The following DAZAP1 variants were observed in gnomAD, a reference collection of about 807,000 sequenced individuals.
DAZAP1 encodes DAZ-associated protein 1.
DAZAP1 carries 6 observed loss-of-function variants against 60.1 expected under a neutral mutation model. The observed-to-expected ratio is 0.10, with a 90% CI of 0.05 to 0.20. The LOEUF is 0.20. DAZAP1 is among the 10% of genes least tolerant of loss of function. DAZAP1 has a pLI of 1.00. For synonymous variants in DAZAP1, 235 were observed against 215.9 expected (o/e 1.09, Z -0.78); for missense variants, 366 against 560.4 (o/e 0.65, Z 3.50).
intron 1 of DAZAP1, among the ~76,000 whole-genome samples, chr19:1,411,822 G>A (rs1040689730): frequency 5.3e-5 from 8 of 152,260 alleles, no homozygotes; most frequent in African/African-American, 4.8e-5. Flanking sequence ...CACAGAGGGC[G>A]CTCCTGGTCA....
At chr19:1,421,112 C>T in intron 4 of DAZAP1, 36 bp from the exon 5 acceptor site, 1 of 1,599,634 alleles carries the variant, frequency 6.3e-7, no homozygotes, top group Non-Finnish European at 8.6e-7. Flanking sequence ...TTGGAGGGTT[C>T]CCGTGTGAAC....
In DAZAP1 at chr19:1,418,393, A is replaced by G. The variant is rs1569058518; in HGVS notation, c.237+23A>G. The G allele has an allele frequency of 6.2e-7, 1 of 1,607,174 alleles. No homozygotes were observed. On this transcript the variant is annotated intron_variant, in intron 3 of 11. Transcript: ENST00000233078. The surrounding 1 kb of genome is among the most constrained non-coding windows in gnomAD (Gnocchi z 5.7). ...AACGTAAGTGCCCTTCCGGGAGCTC[A>G]CACCCGCTCTCTGTCTCCCCTGTCC...
In DAZAP1 at chr19:1,426,097, G is replaced by A; in HGVS notation, c.546+137G>A. 1 of 704,792 alleles carries A rather than the reference G, an allele frequency of 1.4e-6. No individual in the cohort carries two copies. The highest frequency in any genetic ancestry group is 2.6e-6 in the Non-Finnish European group (1 of 386,062). 43.7% of individuals were successfully genotyped at this position (704,792 alleles called of 1,614,324 possible). ...TGTGAACCTTTGCTGCGTGAGGTGGGCCTGGGTCTGTAGACGTGAGGAGGG... is the reference window on the plus strand; with the variant it reads ...TGTGAACCTTTGCTGCGTGAGGTGGACCTGGGTCTGTAGACGTGAGGAGGG... On this transcript the variant is annotated intron_variant, in intron 7 of 11. Coordinates refer to ENST00000233078, the MANE Select transcript of DAZAP1 (RefSeq NM_018959.4). The surrounding 1 kb of genome is among the most constrained non-coding windows in gnomAD (Gnocchi z 5.4).
At chr19:1,429,058 T>TG in intron 8 of DAZAP1, 63 bp downstream of exon 8, 1 of 1,488,314 alleles carries the variant, frequency 6.7e-7, no homozygotes, top group Non-Finnish European at 8.9e-7. Flanking sequence ...CCGCGCGCCC[T>TG]GGGCTGTGCC....
rs2144962562 is a variant in DAZAP1, at chr19:1,434,624, T to G, written c.1049-113T>G. 1 of 1,158,626 alleles carries G rather than the reference T, an allele frequency of 8.6e-7. No homozygotes were observed. Among genetic ancestry groups the G allele is most frequent in the East Asian group, 2.6e-5 (1 of 38,790 alleles). 71.8% of individuals were successfully genotyped at this position (1,158,626 alleles called of 1,614,324 possible). On this transcript the variant is annotated intron_variant, in intron 11 of 11. Coordinates refer to ENST00000233078, the MANE Select transcript of DAZAP1 (RefSeq NM_018959.4). This position sits in a 1 kb window ranked among gnomAD's most constrained non-coding sequence, Gnocchi z 8.0. ...TCAGAAGGGCCCCACCCGCACCCCG[T>G]GGGACCCGTGGACTCAAGGCAGGCT...
At chr19:1,424,914 G>A (rs1225610777) in intron 6 of DAZAP1, among the ~76,000 whole-genome samples, 1 of 152,200 alleles carries the variant, frequency 6.6e-6, no homozygotes, top group Non-Finnish European at 1.5e-5. Context: ...GGGGAGGCCT[G>A]GAGAGCCCGG....
intron 7 of DAZAP1, chr19:1,427,169 G>A (rs1479793829): frequency 2.0e-5 from 3 of 152,224 alleles, no homozygotes; most frequent in South Asian, 2.1e-4. Context: ...GCATGGGTGC[G>A]CGACAGTACA....
Position 1,422,243 on chromosome 19 carries a change from G to C in DAZAP1, c.415-105G>C, listed in dbSNP as rs150726606. On this transcript the variant is annotated intron_variant, in intron 5 of 11. Coordinates refer to ENST00000233078, the MANE Select transcript of DAZAP1 (RefSeq NM_018959.4). This position sits in a 1 kb window ranked among gnomAD's most constrained non-coding sequence, Gnocchi z 4.5. Reference sequence around the variant, plus strand: ...TGCACCTCCCCCGCTCAGGGAGGGCGCACCCTGTGCGAGAGTTTGGGTTCG... The same window carrying C: ...TGCACCTCCCCCGCTCAGGGAGGGCCCACCCTGTGCGAGAGTTTGGGTTCG... The C allele has an allele frequency of 9.7e-6, 10 of 1,028,988 alleles. No individual in the cohort carries two copies. Among genetic ancestry groups the C allele is most frequent in the Middle Eastern group, 2.9e-4 (1 of 3,436 alleles). 63.7% of individuals were successfully genotyped at this position (1,028,988 alleles called of 1,614,324 possible). A position where few individuals can be genotyped will look rare whatever the true frequency, so the allele number is the denominator to read the frequency against.
At position 1,428,717 on chromosome 19, in the gene DAZAP1, G is replaced by A; in HGVS notation, c.547-125G>A. 2 of 1,156,582 alleles carry A rather than the reference G, an allele frequency of 1.7e-6. No individual in the cohort carries two copies. The highest frequency in any genetic ancestry group is 1.5e-5 in the South Asian group (1 of 66,274). 71.6% of individuals were successfully genotyped at this position (1,156,582 alleles called of 1,614,324 possible). A position where few individuals can be genotyped will look rare whatever the true frequency, so the allele number is the denominator to read the frequency against. ...GCTACTGGCCTAAATAAGGTTTATA[G>A]TTAAGTATTTAGTCTTAAGTTGTAA... On this transcript the variant is annotated intron_variant, in intron 7 of 11. Coordinates refer to ENST00000233078, the MANE Select transcript of DAZAP1 (RefSeq NM_018959.4). The surrounding 1 kb of genome is among the most constrained non-coding windows in gnomAD (Gnocchi z 4.0).
At chr19:1,417,681 CAG>C in intron 2 of DAZAP1, 141 bp downstream of exon 2, 1 of 795,594 alleles carries the variant, frequency 1.3e-6, no homozygotes, top group Non-Finnish European at 2.0e-6. Flanking sequence ...GGGCAGGGGA[CAG>C]AGTAAGTGTG....
In DAZAP1 at chr19:1,433,975, C is replaced by T. The variant is rs2083526348; in HGVS notation, c.1049-762C>T. On this transcript the variant is annotated intron_variant, in intron 11 of 11. Transcript: ENST00000233078. This position sits in a 1 kb window ranked among gnomAD's most constrained non-coding sequence, Gnocchi z 6.1. ...CGGTGCCAAGACATTGGCCACAAGCCTTCAGCGGGCCCAGGATCCCCCAGA... is the reference window on the plus strand; with the variant it reads ...CGGTGCCAAGACATTGGCCACAAGCTTTCAGCGGGCCCAGGATCCCCCAGA... The T allele has an allele frequency of 4.4e-6, 3 of 685,428 alleles. No individual in the cohort carries two copies. Among genetic ancestry groups the T allele is most frequent in the African/African-American group, 1.8e-5 (1 of 55,716 alleles). The allele number at this position is 685,428 out of a possible 1,614,324, so 42.5% of individuals were successfully genotyped here.
intron 1 of DAZAP1, among the ~76,000 whole-genome samples, chr19:1,415,014 C>G (rs2082935526): frequency 6.6e-6 from 1 of 151,930 alleles, no homozygotes; most frequent in South Asian, 2.1e-4. Flanking sequence ...TGGTCTTGAA[C>G]TCCTGGCCTC....
Position 1,428,934 on chromosome 19 carries a change from C to T in DAZAP1, c.639C>T (p.Asn213=), listed in dbSNP as rs770090067. 1.2e-4 allele frequency: 189 copies of T among 1,612,262 alleles called. 1 individual carries two copies. The highest frequency in any genetic ancestry group is 1.7e-4 in the African/African-American group (13 of 74,900). ...AGTGGGGGAGCCGGGTTGTGCCCAA[C>T]GCTGCCAATGGCTGGGCAGGCCAGC... ...ASQWGSRVVP[N]AANGWAGQPP... Residue 213 remains asparagine (N), a synonymous_variant, in exon 8 of 12, where the codon AAC becomes AAT. Transcript: ENST00000233078. This position sits in a 1 kb window ranked among gnomAD's most constrained non-coding sequence, Gnocchi z 4.0.
chr19:1,428,244 A>G lies in DAZAP1; in HGVS notation c.547-598A>G, dbSNP rs2083353008. ...TTACTTTTTTTGTTAGATGTAATGT[A>G]AGATTCTCTTATCACATCCATTCCC... On this transcript the variant is annotated intron_variant, in intron 7 of 11. Coordinates refer to ENST00000233078, the MANE Select transcript of DAZAP1 (RefSeq NM_018959.4). This position sits in a 1 kb window ranked among gnomAD's most constrained non-coding sequence, Gnocchi z 4.0. 1 of 152,258 alleles carries G rather than the reference A, an allele frequency of 6.6e-6. No individual in the cohort carries two copies. The highest frequency in any genetic ancestry group is 1.5e-5 in the Non-Finnish European group (1 of 68,084). The allele number at this position is 152,258 out of a possible 1,614,324, so 9.4% of individuals were successfully genotyped here.
intron 1 of DAZAP1, among the ~76,000 whole-genome samples, chr19:1,409,231 A>C (rs1178331468): frequency 6.6e-6 from 1 of 152,140 alleles, no homozygotes; most frequent in Non-Finnish European, 1.5e-5. Context: ...CAGGGAGTCC[A>C]CCGGCCATGG....
intron 1 of DAZAP1, among the ~76,000 whole-genome samples, chr19:1,413,599 A>G (rs1268030005): frequency 1.3e-5 from 2 of 152,242 alleles, no homozygotes; most frequent in Admixed American, 6.5e-5. Context: ...ACATGGACAC[A>G]GGAAGCTTTA....
At position 1,429,916 on chromosome 19, in the gene DAZAP1, C is replaced by T. The variant is rs751019614; in HGVS notation, c.701-51C>T. The T allele has an allele frequency of 3.9e-6, 6 of 1,552,352 alleles. No homozygotes were observed. In the African/African-American group the frequency reaches 4.1e-5, roughly 11 times the overall value. ...ATGCTCTGCGGCTCCTTCTCTGCGT[C>T]GGACAGCTGGTGGACACGGCGCCAA... On this transcript the variant is annotated intron_variant, in intron 8 of 11. Transcript: ENST00000233078.
chr19:1,430,171 T>G lies in DAZAP1; in HGVS notation c.731-51T>G, dbSNP rs369409330. 9.3e-5 allele frequency: 145 copies of G among 1,566,722 alleles called. No individual in the cohort carries two copies. In the African/African-American group the frequency reaches 1.9e-3, roughly 20 times the overall value. On this transcript the variant is annotated intron_variant, in intron 9 of 11. Coordinates refer to ENST00000233078, the MANE Select transcript of DAZAP1 (RefSeq NM_018959.4). ...CAGGCCTGGGTCTAACTGTGGCCAG[T>G]CTGTGTTGTCCAGCGCTCTCTGTCC...
chr19:1,407,877 G>T, intron 1 of DAZAP1, 75 bp downstream of exon 1: 1 of 1,031,930 alleles, frequency 9.7e-7, no homozygotes, highest in Non-Finnish European at 1.2e-6. Context: ...GGCCTCAGAC[G>T]CCGCCCCCCG....
Sources: gnomAD v4.1 joint callset for allele counts (sites outside exome capture counted in the v4.1 genomes callset) on GRCh38, gnomAD v4.1.1 for gene constraint, Gnocchi (gnomAD v3.1) non-coding constraint, MANE v1.5 for transcripts, NCBI Gene and HGNC (gene_info 2026-07-23, HGNC 2026-07-21) for gene names.